The following CLCN3 variants were observed in gnomAD, a reference collection of about 807,000 sequenced individuals.
The protein encoded by CLCN3 is H(+)/Cl(-) exchange transporter 3.
In CLCN3, 16 loss-of-function variants were observed where a neutral mutation model predicts 83.4. The ratio of observed to expected loss-of-function variants is 0.19; its 90% CI spans 0.13 to 0.29. The LOEUF (loss-of-function observed/expected upper bound fraction) is 0.29. Ranked by LOEUF, CLCN3 falls within the 10% of genes least tolerant of loss-of-function variation. The probability of loss-of-function intolerance (pLI) is 1.00; values close to 1 mark genes in which losing one functional copy is unlikely to be tolerated. For missense variants in CLCN3, 544 were observed against 1,006.0 expected, an observed-to-expected ratio of 0.54 and a Z score of 6.21; for synonymous variants, 322 against 346.2, an observed-to-expected ratio of 0.93 and a Z score of 0.78.
At chr4:169,677,715 A>T (rs138804579) in intron 2 of CLCN3, among the ~76,000 whole-genome samples, 2 of 152,338 alleles carry the variant, frequency 1.3e-5, no homozygotes, top group Admixed American at 6.5e-5. Context: ...ATTCCATTTC[A>T]TACTTAAACT....
chr4:169,686,173 T>C (rs1253742940), intron 3 of CLCN3, among the ~76,000 whole-genome samples: 2 of 151,916 alleles, frequency 1.3e-5, no homozygotes, highest in Non-Finnish European at 1.5e-5. Flanking sequence ...GGGACTGTTG[T>C]GGGGTCGGGG....
At chr4:169,672,227 T>TAGATAGATAGATAGAC (rs1731492669) in intron 2 of CLCN3, among the ~76,000 whole-genome samples, 1 of 150,314 alleles carries the variant, frequency 6.7e-6, no homozygotes, top group Non-Finnish European at 1.5e-5. Flanking sequence ...AAATGATAGA[T>TAGATAGATAGATAGAC]AGATAGATAG....
Position 169,687,730 on chromosome 4 carries a change from G to A in CLCN3, c.391G>A (p.Val131Ile). 6.2e-7 allele frequency: 1 copy of A among 1,602,550 alleles called. No individual in the cohort carries two copies. The highest frequency in any genetic ancestry group is 8.5e-7 in the Non-Finnish European group (1 of 1,173,718). ...GTATGATGCGTGGTCAGGATGGCTA[G>A]TAGTAACACTAACAGGATTGGCATC... ...SLYDAWSGWLVVTLTGLASGA... is the reference protein window; with the variant it reads ...SLYDAWSGWLIVTLTGLASGA... The change falls in exon 4 of 13, where the codon GTA becomes ATA. Residue 131 changes from valine to isoleucine, a missense_variant. Physicochemically the swap from Val to Ile is conservative, Grantham distance 29. Around this residue, in one of 6 missense-constraint regions of CLCN3, gnomAD observed 96 missense variants for 202.1 expected, o/e 0.48. Transcript: ENST00000513761.
chr4:169,715,259 G>C (rs963893337), intron 12 of CLCN3, among the ~76,000 whole-genome samples: 4 of 152,114 alleles, frequency 2.6e-5, no homozygotes, highest in Non-Finnish European at 5.9e-5. Flanking sequence ...ATAACGAAGT[G>C]TATAGAGCGA....
intron 1 of CLCN3, among the ~76,000 whole-genome samples, chr4:169,631,018 C>T (rs760041491): frequency 6.6e-6 from 1 of 152,158 alleles, no homozygotes; most frequent in Admixed American, 6.5e-5. Context: ...GTTTTAAGTT[C>T]TTTGATAAAT....
intron 9 of CLCN3, chr4:169,702,811 G>T: frequency 6.5e-6 from 2 of 305,956 alleles, no homozygotes; most frequent in Non-Finnish European, 1.3e-5. Flanking sequence ...AGCCAGGTGT[G>T]GTGGTGCACG....
At chr4:169,684,926 A>C (rs1732096864) in intron 3 of CLCN3, among the ~76,000 whole-genome samples, 1 of 151,606 alleles carries the variant, frequency 6.6e-6, no homozygotes, top group Admixed American at 6.6e-5. Flanking sequence ...ATCTGTCTCC[A>C]GCCTCCCAGG....
chr4:169,643,660 A>G (rs1193225289), intron 2 of CLCN3, among the ~76,000 whole-genome samples: 1 of 152,136 alleles, frequency 6.6e-6, no homozygotes, highest in East Asian at 1.9e-4. Context: ...CAGCCTCCCA[A>G]GTAGCTGGGA....
At chr4:169,708,241 T>C (rs1436595405) in intron 11 of CLCN3, among the ~76,000 whole-genome samples, 2 of 152,006 alleles carry the variant, frequency 1.3e-5, no homozygotes, top group Non-Finnish European at 2.9e-5. Flanking sequence ...GACCAGACAG[T>C]GTATGTGGGG....
rs547789368 is a variant in CLCN3 at position 169,675,983 on chromosome 4, G to A, written c.161-4067G>A. 1.9e-4 allele frequency among the ~76,000 whole-genome samples: 29 copies of A among 152,248 alleles called. 1 individual carries two copies. In the South Asian group the frequency reaches 2.7e-3, roughly 14 times the overall value. On this transcript the variant is annotated intron_variant, in intron 2 of 12. Transcript: ENST00000513761. ...TGTGCTTATACATATATGTATACCT[G>A]TAAGTACAAAGTAGAAAATGAAAGT...
rs1352699356 is a variant in CLCN3 at position 169,683,578 on chromosome 4, A to G, written c.318+3371A>G. On this transcript the variant is annotated intron_variant, in intron 3 of 12. Coordinates refer to ENST00000513761, the MANE Select transcript of CLCN3 (RefSeq NM_001829.4). Reference sequence around the variant, plus strand: ...TCCTTGAAAACATTGCAAATAGTATAGCAATATATGAAGTAGCCAGTATGT... The same window carrying G: ...TCCTTGAAAACATTGCAAATAGTATGGCAATATATGAAGTAGCCAGTATGT... Among the ~76,000 whole-genome samples, 9 of 152,272 alleles carry G rather than the reference A, an allele frequency of 5.9e-5. No homozygotes were observed. The South Asian group carries it at 8.3e-4, about 14-fold the overall frequency.
chr4:169,700,522 A>G (rs1273232737), intron 9 of CLCN3, among the ~76,000 whole-genome samples: 1 of 152,150 alleles, frequency 6.6e-6, no homozygotes, highest in East Asian at 1.9e-4. Context: ...TTGGCCTCCC[A>G]GAGTGCTAGG....
chr4:169,707,348 G>T, intron 11 of CLCN3, 82 bp downstream of exon 11: 1 of 1,108,380 alleles, frequency 9.0e-7, no homozygotes, highest in East Asian at 2.4e-5. Context: ...ACATTTAATG[G>T]GTTGGATTTG....
chr4:169,672,062 A>G (rs1731479731), intron 2 of CLCN3, among the ~76,000 whole-genome samples: 1 of 151,926 alleles, frequency 6.6e-6, no homozygotes. Flanking sequence ...ATAAAAAAAA[A>G]TTAGCCGGGC....
intron 1 of CLCN3, among the ~76,000 whole-genome samples, chr4:169,622,501 A>G (rs1393844958): frequency 1.3e-5 from 2 of 152,156 alleles, no homozygotes; most frequent in Admixed American, 1.3e-4. Flanking sequence ...AGAACTTCCA[A>G]CTTAGTTTGG....
At chr4:169,705,645 T>C (rs980715996) in intron 10 of CLCN3, among the ~76,000 whole-genome samples, 2 of 152,060 alleles carry the variant, frequency 1.3e-5, no homozygotes, top group African/African-American at 4.8e-5. Context: ...TGGTATAGGG[T>C]AGGTATGTAA....
chr4:169,691,283 CT>C (rs1441931881), intron 6 of CLCN3, among the ~76,000 whole-genome samples: 11 of 152,044 alleles, frequency 7.2e-5, no homozygotes, highest in Non-Finnish European at 1.6e-4. Flanking sequence ...TCCCAAAGTG[CT>C]GGGATTACAG....
chr4:169,707,907 T>C (rs1733054850), intron 11 of CLCN3, among the ~76,000 whole-genome samples: 1 of 152,252 alleles, frequency 6.6e-6, no homozygotes, highest in Non-Finnish European at 1.5e-5. Context: ...AATTAAACTT[T>C]CTATAGTTCT....
chr4:169,630,858 A>G (rs1773351775), intron 1 of CLCN3, among the ~76,000 whole-genome samples: 1 of 152,196 alleles, frequency 6.6e-6, no homozygotes, highest in Non-Finnish European at 1.5e-5. Context: ...CCAGTCCACT[A>G]TTGATGAGCA....
Sources: gnomAD v4.1 joint callset for allele counts (sites outside exome capture counted in the v4.1 genomes callset) on GRCh38, gnomAD v4.1.1 for gene constraint, gnomAD v4.1.1 regional missense constraint, MANE v1.5 for transcripts, NCBI Gene and HGNC (gene_info 2026-07-23, HGNC 2026-07-21) for gene names.